The following BCL7B variants were observed in gnomAD, a reference collection of about 807,000 sequenced individuals.
The protein encoded by BCL7B is B-cell CLL/lymphoma 7 protein family member B.
BCL7B carries 11 observed loss-of-function variants against 26.5 expected under a neutral mutation model. That is an observed-to-expected ratio of 0.42 (90% CI 0.26 to 0.69). BCL7B has a LOEUF of 0.69. Ranked by LOEUF, BCL7B falls within the 30% of genes least tolerant of loss-of-function variation. The pLI is 0.28. For synonymous variants in BCL7B, 111 were observed against 107.9 expected (o/e 1.03, Z -0.18); for missense variants, 215 against 264.4 (o/e 0.81, Z 1.30).
At chr7:73,548,604 G>A (rs1792042479) in intron 2 of BCL7B, among the ~76,000 whole-genome samples, 1 of 151,654 alleles carries the variant, frequency 6.6e-6, no homozygotes, top group African/African-American at 2.4e-5. Flanking sequence ...GCGACAGATT[G>A]AAACCGTGTC....
chr7:73,551,725 G>A (rs1792179279), intron 2 of BCL7B, among the ~76,000 whole-genome samples: 1 of 152,180 alleles, frequency 6.6e-6, no homozygotes, highest in Non-Finnish European at 1.5e-5. Flanking sequence ...ATAATAAAGA[G>A]AGGCCTTGCA....
At chr7:73,547,990 T>G (rs975623210) in intron 2 of BCL7B, among the ~76,000 whole-genome samples, 1 of 152,012 alleles carries the variant, frequency 6.6e-6, no homozygotes, top group Admixed American at 6.6e-5. Context: ...TGTGGCAGCA[T>G]GCACCTGTAG....
At chr7:73,542,940 A>C (rs1554583046) in intron 3 of BCL7B, 2 of 405,796 alleles carry the variant, frequency 4.9e-6, no homozygotes, top group Admixed American at 2.9e-5. Context: ...AATGAAGTAC[A>C]ATCTAAAAAA....
chr7:73,554,995 C>T (rs573813079), intron 1 of BCL7B, among the ~76,000 whole-genome samples: 1 of 152,310 alleles, frequency 6.6e-6, no homozygotes, highest in South Asian at 2.1e-4. Context: ...TCCACAGTCC[C>T]TGCCCTCACA....
intron 3 of BCL7B, 105 bp downstream of exon 3, chr7:73,543,443 G>A: frequency 9.6e-7 from 1 of 1,043,322 alleles, no homozygotes; most frequent in Non-Finnish European, 1.5e-6. Context: ...CTCCCAAAGT[G>A]CTGAGGTTAC....
At chr7:73,551,646 C>G (rs970273711) in intron 2 of BCL7B, among the ~76,000 whole-genome samples, 1 of 151,880 alleles carries the variant, frequency 6.6e-6, no homozygotes, top group Non-Finnish European at 1.5e-5. Context: ...CTAAGGAATA[C>G]GCCAGGGCTG....
chr7:73,539,155 T>A (rs1791655312), intron 4 of BCL7B, among the ~76,000 whole-genome samples: 1 of 152,112 alleles, frequency 6.6e-6, no homozygotes, highest in Non-Finnish European at 1.5e-5. Flanking sequence ...AGATGGGGTT[T>A]CACCATGTTG....
chr7:73,553,927 G>A (rs1354364589), intron 1 of BCL7B, among the ~76,000 whole-genome samples: 1 of 151,390 alleles, frequency 6.6e-6, no homozygotes, highest in Non-Finnish European at 1.5e-5. Context: ...GAGTGCCTTC[G>A]AGGTCTGCAA....
chr7:73,555,936 A>G (rs1170984014), intron 1 of BCL7B, among the ~76,000 whole-genome samples: 1 of 152,166 alleles, frequency 6.6e-6, no homozygotes, highest in Non-Finnish European at 1.5e-5. Flanking sequence ...AAAATCACTC[A>G]GTGCAAATGA....
chr7:73,542,851 G>A, intron 3 of BCL7B: 1 of 449,918 alleles, frequency 2.2e-6, no homozygotes, highest in South Asian at 1.6e-5. Context: ...AAGGCTGGGG[G>A]ACTGCTTGAG....
chr7:73,557,629 G>A lies in BCL7B; in HGVS notation c.-51C>T, dbSNP rs1554584941. 6.3e-6 allele frequency: 7 copies of A among 1,107,732 alleles called. No homozygotes were observed. The highest frequency in any genetic ancestry group is 7.9e-6 in the Non-Finnish European group (7 of 888,658). 68.6% of individuals were successfully genotyped at this position (1,107,732 alleles called of 1,614,324 possible). On this transcript the variant is annotated 5_prime_UTR_variant, in exon 1 of 6. Coordinates refer to ENST00000223368, the MANE Select transcript of BCL7B (RefSeq NM_001707.4). ...GGGGCACTGCTCCCAAGACACCGGG[G>A]ATCGCGCGCCTCACGCGCCGCCGCC...
chr7:73,546,807 C>T (rs549625353), intron 2 of BCL7B, among the ~76,000 whole-genome samples: 3 of 152,206 alleles, frequency 2.0e-5, no homozygotes, highest in Admixed American at 2.0e-4. Flanking sequence ...GCAAAAACTG[C>T]GTTGAGAAAC....
chr7:73,542,566 A>G (rs1385989098), intron 3 of BCL7B, among the ~76,000 whole-genome samples: 1 of 152,206 alleles, frequency 6.6e-6, no homozygotes, highest in Non-Finnish European at 1.5e-5. Context: ...TTAAATAGGG[A>G]TGATAATAAC....
At chr7:73,540,353 T>C (rs757842618) in intron 3 of BCL7B, 1 of 293,056 alleles carries the variant, frequency 3.4e-6, no homozygotes, top group African/African-American at 2.1e-5. Flanking sequence ...TCAGTACTTC[T>C]CAATCCTTCT....
At chr7:73,541,468 T>C (rs1216492355) in intron 3 of BCL7B, among the ~76,000 whole-genome samples, 1 of 149,876 alleles carries the variant, frequency 6.7e-6, no homozygotes, top group African/African-American at 2.4e-5. Flanking sequence ...CCCAGTACTT[T>C]TTTTTTTTTT....
rs1219302193 is a variant in BCL7B, at chr7:73,536,524, A to C, written c.*774T>G. 3.9e-5 allele frequency: 6 copies of C among 152,472 alleles called. No individual in the cohort carries two copies. Among genetic ancestry groups the C allele is most frequent in the Non-Finnish European group, 7.3e-5 (5 of 68,034 alleles). 9.4% of individuals were successfully genotyped at this position (152,472 alleles called of 1,614,324 possible). ...AGAAAAGGGAGCTTTCTAGAAACTG[A>C]GCTGAAGGGGTACTGTGGGGGATGG... On this transcript the variant is annotated 3_prime_UTR_variant, in exon 6 of 6. Transcript: ENST00000223368.
intron 4 of BCL7B, 92 bp downstream of exon 4, chr7:73,539,788 GCT>G: frequency 6.9e-7 from 1 of 1,448,610 alleles, no homozygotes; most frequent in Non-Finnish European, 9.3e-7. Context: ...GCTCTGAGGT[GCT>G]CTCTCGAGCC....
At chr7:73,557,280 G>A (rs899272307) in intron 1 of BCL7B, 3 of 1,139,864 alleles carry the variant, frequency 2.6e-6, no homozygotes, top group Non-Finnish European at 1.1e-6. Context: ...CAGGTGGGCG[G>A]GCCCGCGAGC....
intron 2 of BCL7B, among the ~76,000 whole-genome samples, chr7:73,545,475 G>C (rs55958132): frequency 6.6e-6 from 1 of 152,134 alleles, no homozygotes; most frequent in Non-Finnish European, 1.5e-5. Context: ...GCCCGCCTCA[G>C]CCTCCCAAAG....
Sources: allele counts gnomAD v4.1 joint callset (sites outside exome capture counted in the v4.1 genomes callset), GRCh38; gene constraint gnomAD v4.1.1; transcripts MANE v1.5; gene names NCBI Gene and HGNC (gene_info 2026-07-23, HGNC 2026-07-21).